The following CHRM3 variants were observed in gnomAD, a reference collection of about 807,000 sequenced individuals.
CHRM3 encodes the protein muscarinic acetylcholine receptor M3.
CHRM3 carries 11 observed loss-of-function variants against 41.8 expected under a neutral mutation model. The ratio of observed to expected loss-of-function variants is 0.26; its 90% CI spans 0.17 to 0.44. The LOEUF is 0.44. CHRM3 is among the 20% of genes least tolerant of loss of function. The probability of loss-of-function intolerance (pLI) is 1.00; values close to 1 mark genes in which losing one functional copy is unlikely to be tolerated. For missense variants in CHRM3, 571 were observed against 745.4 expected (o/e 0.77, Z 2.72); for synonymous variants, 297 against 301.4 (o/e 0.99, Z 0.15).
At chr1:239,859,586 T>G (rs1018389830) in intron 6 of CHRM3, among the ~76,000 whole-genome samples, 1 of 151,424 alleles carries the variant, frequency 6.6e-6, no homozygotes, top group Non-Finnish European at 1.5e-5. Context: ...AGCTAATTTT[T>G]AGTATTTTTA....
chr1:239,673,337 A>G (rs893301643), intron 4 of CHRM3, among the ~76,000 whole-genome samples: 8 of 152,214 alleles, frequency 5.3e-5, no homozygotes, highest in African/African-American at 1.9e-4. Context: ...AATTCTGTCA[A>G]CAAATCTTCC....
chr1:239,865,477 G>A (rs1001596255), intron 6 of CHRM3, among the ~76,000 whole-genome samples: 7 of 152,290 alleles, frequency 4.6e-5, no homozygotes, highest in African/African-American at 1.7e-4. Context: ...AACAAAGGAG[G>A]ACAGGGAATA....
At chr1:239,718,696 G>A (rs1312036750) in intron 5 of CHRM3, 1 of 151,822 alleles carries the variant, frequency 6.6e-6, no homozygotes, top group Non-Finnish European at 1.5e-5. Context: ...AGAAGTGATT[G>A]AAGAAAACAC....
chr1:239,642,639 G>C (rs1012203063), intron 4 of CHRM3, among the ~76,000 whole-genome samples: 1 of 152,146 alleles, frequency 6.6e-6, no homozygotes, highest in Admixed American at 6.5e-5. Flanking sequence ...GCACTTCTCT[G>C]TATTGGTTAT....
intron 2 of CHRM3, among the ~76,000 whole-genome samples, chr1:239,540,766 T>C (rs1658696486): frequency 6.6e-6 from 1 of 152,186 alleles, no homozygotes; most frequent in Admixed American, 6.5e-5. Context: ...TTTGCATACA[T>C]TTCCTTATAT....
At chr1:239,482,101 T>C (rs1442787022) in intron 1 of CHRM3, among the ~76,000 whole-genome samples, 1 of 152,138 alleles carries the variant, frequency 6.6e-6, no homozygotes, top group African/African-American at 2.4e-5. Context: ...CCCAGACACC[T>C]CACCTATGTT....
intron 5 of CHRM3, among the ~76,000 whole-genome samples, chr1:239,712,352 A>G (rs902395382): frequency 3.9e-5 from 6 of 152,206 alleles, no homozygotes; most frequent in African/African-American, 1.4e-4. Context: ...TCTTCAGGTC[A>G]GAAAAAGAAA....
chr1:239,610,050 G>A (rs994672702), intron 3 of CHRM3, among the ~76,000 whole-genome samples: 15 of 151,834 alleles, frequency 9.9e-5, no homozygotes, highest in African/African-American at 3.4e-4. Context: ...AAAATTAGCC[G>A]GGTGTGGTGG....
chr1:239,602,562 G>A (rs886351202), intron 3 of CHRM3, among the ~76,000 whole-genome samples: 26 of 152,160 alleles, frequency 1.7e-4, no homozygotes, highest in African/African-American at 5.3e-4. Context: ...AGTTCAATGT[G>A]CAAGTAATTA....
chr1:239,469,203 G>C (rs1330251007), intron 1 of CHRM3, among the ~76,000 whole-genome samples: 1 of 152,242 alleles, frequency 6.6e-6, no homozygotes, highest in African/African-American at 2.4e-5. Flanking sequence ...TAGAGGGTCA[G>C]ATGATACAAT....
chr1:239,593,490 A>AC (rs35699185), intron 3 of CHRM3, among the ~76,000 whole-genome samples: 124,114 of 151,992 alleles, frequency 0.82, 53,165 homozygotes, highest in Non-Finnish European at 0.93. Flanking sequence ...TTAAAAAAAA[A>AC]AAACTCAAAT....
At chr1:239,526,450 T>C (rs1163543602) in intron 2 of CHRM3, among the ~76,000 whole-genome samples, 1 of 152,176 alleles carries the variant, frequency 6.6e-6, no homozygotes, top group Non-Finnish European at 1.5e-5. Context: ...TACCAGCTAC[T>C]TGGACACACT....
intron 5 of CHRM3, among the ~76,000 whole-genome samples, chr1:239,783,068 G>T (rs2148813563): frequency 6.6e-6 from 1 of 151,942 alleles, no homozygotes; most frequent in East Asian, 1.9e-4. Flanking sequence ...TGAGAAGAAT[G>T]TATACTCTAA....
intron 2 of CHRM3, among the ~76,000 whole-genome samples, chr1:239,531,166 CATA>C (rs946660646): frequency 1.3e-5 from 2 of 151,370 alleles, no homozygotes; most frequent in African/African-American, 4.9e-5. Context: ...TCATATGACC[CATA>C]ATAATAATAA....
intron 6 of CHRM3, among the ~76,000 whole-genome samples, chr1:239,851,353 G>T (rs898600697): frequency 1.3e-5 from 2 of 152,252 alleles, no homozygotes; most frequent in Non-Finnish European, 2.9e-5. Flanking sequence ...TTTTTATTCA[G>T]GGAGAACCAT....
chr1:239,849,426 AC>A (rs2149214358), intron 6 of CHRM3, among the ~76,000 whole-genome samples: 1 of 152,294 alleles, frequency 6.6e-6, no homozygotes, highest in Non-Finnish European at 1.5e-5. Context: ...AACTTCAAAT[AC>A]TGTCTGCATA....
intron 6 of CHRM3, among the ~76,000 whole-genome samples, chr1:239,870,867 A>G (rs943269664): frequency 6.6e-6 from 1 of 152,164 alleles, no homozygotes; most frequent in Non-Finnish European, 1.5e-5. Flanking sequence ...GACATTCATT[A>G]GTTTTCGCCT....
In CHRM3 at chr1:239,659,728, T is replaced by C. The variant is rs115624664; in HGVS notation, c.-249-18458T>C. On this transcript the variant is annotated intron_variant, in intron 4 of 6. Coordinates refer to ENST00000676153, the MANE Select transcript of CHRM3 (RefSeq NM_001375978.1). ...CCACAGAAAGTTATTTAAGTGTATC[T>C]CCCCAACTCTCCAAAGGATAGTGCA... Among the ~76,000 whole-genome samples the C allele has an allele frequency of 4.4e-3, 671 of 152,278 alleles. 8 individuals are homozygous for C. Among genetic ancestry groups the C allele is most frequent in the African/African-American group, 0.015 (616 of 41,560 alleles).
chr1:239,879,824 T>A (rs918841353), intron 6 of CHRM3, among the ~76,000 whole-genome samples: 3 of 152,118 alleles, frequency 2.0e-5, no homozygotes, highest in African/African-American at 4.8e-5. Context: ...GCAATAGAAG[T>A]CTCTCCCTCC....
Sources: gnomAD v4.1 joint callset for allele counts (sites outside exome capture counted in the v4.1 genomes callset) on GRCh38, gnomAD v4.1.1 for gene constraint, MANE v1.5 for transcripts, NCBI Gene and HGNC (gene_info 2026-07-23, HGNC 2026-07-21) for gene names.